Variants in WDR31 observed in about 807,000 individuals in gnomAD.
WDR31 encodes WD repeat-containing protein 31.
In WDR31, 30 loss-of-function variants were observed where a neutral mutation model predicts 47.3. That is an observed-to-expected ratio of 0.63 (90% CI 0.47 to 0.86). The LOEUF is 0.86. Among genes scored for constraint, WDR31 ranks in the 40% least tolerant of loss-of-function variants. WDR31 has a pLI of 0.00. For missense variants in WDR31, 406 were observed against 442.9 expected (o/e 0.92, Z 0.75); for synonymous variants, 137 against 159.4 (o/e 0.86, Z 1.06).
chr9:113,334,250 G>A (rs1833668986), intron 2 of WDR31, among the ~76,000 whole-genome samples: 1 of 152,068 alleles, frequency 6.6e-6, no homozygotes, highest in South Asian at 2.1e-4. Flanking sequence ...CTCCCAAAGT[G>A]GGGCCTTCTT....
intron 5 of WDR31, among the ~76,000 whole-genome samples, chr9:113,324,931 C>T (rs1379242850): frequency 6.8e-6 from 1 of 147,598 alleles, no homozygotes; most frequent in African/African-American, 2.5e-5. Flanking sequence ...AGCTGTTTTG[C>T]ATTAGATATG....
At position 113,328,847 on chromosome 9, in the gene WDR31, C is replaced by T. The variant is rs1039597129; in HGVS notation, c.324+34G>A. 3.9e-6 allele frequency: 6 copies of T among 1,524,556 alleles called. No individual in the cohort carries two copies. The Admixed American group carries it at 6.7e-5, about 17-fold the overall frequency. The allele number at this position is 1,524,556 out of a possible 1,614,324, so 94.4% of individuals were successfully genotyped here. A position where few individuals can be genotyped will look rare whatever the true frequency, so the allele number is the denominator to read the frequency against. On this transcript the variant is annotated intron_variant, in intron 5 of 10. Transcript: ENST00000374193. ...CTATTAGCTATCCTTTATTCAGTTC[C>T]AGATTGCCTTCATAATAATCATTTG... is the stretch of plus-strand genomic sequence containing the variant.
Position 113,322,212 on chromosome 9 carries a change from T to C in WDR31, c.570+599A>G, listed in dbSNP as rs182852460. Among the ~76,000 whole-genome samples the C allele has an allele frequency of 1.1e-4, 16 of 151,990 alleles. No homozygotes were observed. In the East Asian group the frequency reaches 2.5e-3, roughly 24 times the overall value. ...TCCTCTGAAGAACCTTAGCAGGTGA[T>C]AGAATTCTCCCCATTTTATAAATGA... is the stretch of plus-strand genomic sequence containing the variant. On this transcript the variant is annotated intron_variant, in intron 7 of 10. Transcript: ENST00000374193.
intron 10 of WDR31, 121 bp downstream of exon 10, chr9:113,318,354 A>C (rs1833253035): frequency 1.7e-6 from 2 of 1,148,048 alleles, no homozygotes; most frequent in Admixed American, 3.7e-5. Context: ...CTTAAGCATG[A>C]GACTGGACAG....
chr9:113,339,680 A>G (rs1833788339), intron 1 of WDR31, among the ~76,000 whole-genome samples: 1 of 152,160 alleles, frequency 6.6e-6, no homozygotes, highest in East Asian at 1.9e-4. Context: ...GTCGCTTCAG[A>G]TGGCAAATGC....
intron 2 of WDR31, among the ~76,000 whole-genome samples, chr9:113,334,562 G>C (rs556009101): frequency 6.6e-6 from 1 of 150,906 alleles, no homozygotes; most frequent in African/African-American, 2.4e-5. Context: ...TTTTTGAGAC[G>C]GAGTTTCACT....
At chr9:113,337,339 C>A (rs2118866880) in intron 1 of WDR31, among the ~76,000 whole-genome samples, 1 of 152,288 alleles carries the variant, frequency 6.6e-6, no homozygotes, top group East Asian at 1.9e-4. Flanking sequence ...CCACAAGCCT[C>A]TGAGATACTG....
chr9:113,331,267 T>C, intron 3 of WDR31, 151 bp from the exon 4 acceptor site: 1 of 553,716 alleles, frequency 1.8e-6, no homozygotes, highest in South Asian at 4.1e-5. Flanking sequence ...GGGAGACCCA[T>C]TTACATTGTC....
intron 5 of WDR31, among the ~76,000 whole-genome samples, chr9:113,326,641 G>A (rs889049413): frequency 2.0e-5 from 3 of 151,876 alleles, no homozygotes; most frequent in Non-Finnish European, 4.4e-5. Flanking sequence ...GAATATATTT[G>A]TATTTTTATT....
chr9:113,332,044 G>T lies in WDR31; in HGVS notation c.-22C>A. 1 of 1,600,200 alleles carries T rather than the reference G, an allele frequency of 6.2e-7. No individual in the cohort carries two copies. Among genetic ancestry groups the T allele is most frequent in the South Asian group, 1.1e-5 (1 of 90,708 alleles). ...GCATCCCTTGTGGCTGCTGGAAGTT[G>T]TGTTCCCTGTTTAATAAAAAGAAGA... On this transcript the variant is annotated 5_prime_UTR_variant, in exon 3 of 11. Transcript: ENST00000374193.
chr9:113,338,129 T>C (rs890612934), intron 1 of WDR31, among the ~76,000 whole-genome samples: 3 of 132,838 alleles, frequency 2.3e-5, no homozygotes, highest in Non-Finnish European at 3.4e-5. Context: ...ACTAGCATGA[T>C]TGCAAGATTA....
chr9:113,322,761 C>G, intron 7 of WDR31, 50 bp downstream of exon 7: 1 of 1,583,518 alleles, frequency 6.3e-7, no homozygotes, highest in African/African-American at 1.3e-5. Context: ...CTTTCCTTCA[C>G]CCCATGCTCC....
chr9:113,331,587 C>T (rs1006185060), intron 3 of WDR31, among the ~76,000 whole-genome samples: 2 of 152,348 alleles, frequency 1.3e-5, no homozygotes, highest in African/African-American at 4.8e-5. Context: ...GCTGGGACTA[C>T]AGGCTCATGC....
intron 2 of WDR31, among the ~76,000 whole-genome samples, chr9:113,334,983 T>C (rs1292178372): frequency 6.6e-6 from 1 of 152,112 alleles, no homozygotes; most frequent in East Asian, 1.9e-4. Flanking sequence ...AAAACCTCTT[T>C]GGGGGTTCTT....
At chr9:113,321,798 G>A (rs563220552) in intron 7 of WDR31, among the ~76,000 whole-genome samples, 7 of 152,234 alleles carry the variant, frequency 4.6e-5, no homozygotes, top group Admixed American at 3.3e-4. Context: ...CCAGTTGTGA[G>A]CACCAAAATA....
Position 113,323,778 on chromosome 9 carries a change from C to A in WDR31, c.325-623G>T, listed in dbSNP as rs372292746. Among the ~76,000 whole-genome samples, 44 of 152,340 alleles carry A rather than the reference C, an allele frequency of 2.9e-4. 1 individual carries two copies. In the East Asian group the frequency reaches 3.5e-3, roughly 12 times the overall value. On this transcript the variant is annotated intron_variant, in intron 5 of 10. Transcript: ENST00000374193. ...CCCTCTTGGGCTTCCTATAGAACTT[C>A]CTCCTGTGGGATTCCTTTTGCACTT...
Position 113,318,642 on chromosome 9 carries a change from A to G in WDR31, c.781-5T>C. 1 of 1,614,000 alleles carries G rather than the reference A, an allele frequency of 6.2e-7. No individual in the cohort carries two copies. The highest frequency in any genetic ancestry group is 8.5e-7 in the Non-Finnish European group (1 of 1,179,912). ...AGTCTGTCTTAGGTCCCACAACTGCAAAGTAATGACATGGACCAGCTCATA... is the reference window on the plus strand; with the variant it reads ...AGTCTGTCTTAGGTCCCACAACTGCGAAGTAATGACATGGACCAGCTCATA... On this transcript the variant is annotated splice_polypyrimidine_tract_variant and splice_region_variant and intron_variant, in intron 9 of 10. Coordinates refer to ENST00000374193, the MANE Select transcript of WDR31 (RefSeq NM_001012361.4).
In WDR31 at chr9:113,315,373, G is replaced by A. The variant is rs568997332; in HGVS notation, c.*1376C>T. 1.3e-5 allele frequency: 2 copies of A among 152,146 alleles called. No individual in the cohort carries two copies. Among genetic ancestry groups the A allele is most frequent in the East Asian group, 3.9e-4 (2 of 5,126 alleles). 9.4% of individuals were successfully genotyped at this position (152,146 alleles called of 1,614,324 possible). On this transcript the variant is annotated 3_prime_UTR_variant, in exon 11 of 11. Transcript: ENST00000374193. ...GTCACTGGTATCAGAGACAAGCAGA[G>A]GACAGAGAAGACAAATGCAAAATCT...
At chr9:113,331,449 T>G (rs768531170) in intron 3 of WDR31, among the ~76,000 whole-genome samples, 2 of 152,116 alleles carry the variant, frequency 1.3e-5, no homozygotes, top group Non-Finnish European at 2.9e-5. Flanking sequence ...CTAATAAACT[T>G]GACTGTTTCT....
Sources: gnomAD v4.1 joint callset for allele counts (sites outside exome capture counted in the v4.1 genomes callset) on GRCh38, gnomAD v4.1.1 for gene constraint, MANE v1.5 for transcripts, NCBI Gene and HGNC (gene_info 2026-07-23, HGNC 2026-07-21) for gene names.